LTBP1: variants seen among roughly 807,000 people sequenced by gnomAD.
LTBP1 encodes the protein latent-transforming growth factor beta-binding protein 1.
A neutral mutation model predicts 207.6 loss-of-function variants in LTBP1; 129 were observed. The ratio of observed to expected loss-of-function variants is 0.62; its 90% CI spans 0.54 to 0.72. LTBP1 has a LOEUF of 0.72. Among genes scored for constraint, LTBP1 ranks in the 30% least tolerant of loss-of-function variants. LTBP1 has a pLI of 0.00. For synonymous variants in LTBP1, 963 were observed against 833.7 expected (o/e 1.16, Z -2.67); for missense variants, 2,281 against 2,217.2 (o/e 1.03, Z -0.58).
intron 19 of LTBP1, among the ~76,000 whole-genome samples, chr2:33,291,001 TA>T: frequency 6.6e-6 from 1 of 152,348 alleles, no homozygotes; most frequent in East Asian, 1.9e-4. Context: ...AGAGATTCTT[TA>T]GTGATATTTT....
chr2:33,321,256 A>G lies in LTBP1; in HGVS notation c.3730+5987A>G, dbSNP rs192711778. ...TATTCAGGAATCAAGTCCTATTGCT[A>G]AACATCTATAGAGACTCTAACCCCA... On this transcript the variant is annotated intron_variant, in intron 24 of 33. Transcript: ENST00000404816. 1.6e-3 allele frequency among the ~76,000 whole-genome samples: 241 copies of G among 152,234 alleles called. 1 individual carries two copies. Among genetic ancestry groups the G allele is most frequent in the African/African-American group, 5.5e-3 (228 of 41,564 alleles).
intron 20 of LTBP1, among the ~76,000 whole-genome samples, chr2:33,294,219 T>A (rs2093829330): frequency 6.6e-6 from 1 of 151,714 alleles, no homozygotes; most frequent in South Asian, 2.1e-4. Context: ...TTTTTTGAGG[T>A]GGAGTCTTGC....
rs79723821 is a variant in LTBP1, at chr2:33,182,351, C to T, written c.1202-4505C>T. ...ATACCTTGTAAAAGTCAATTGGTTA[C>T]TGTTTCTTTGTTTAAAAAAAGGTGG... is the stretch of plus-strand genomic sequence containing the variant. On this transcript the variant is annotated intron_variant, in intron 5 of 33. Transcript: ENST00000404816. Among the ~76,000 whole-genome samples the T allele has an allele frequency of 6.9e-3, 1,045 of 151,978 alleles. 3 individuals are homozygous for T. The highest frequency in any genetic ancestry group is 0.01 in the Middle Eastern group (3 of 294).
At chr2:32,949,275 A>C (rs182017999) in intron 2 of LTBP1, among the ~76,000 whole-genome samples, 45 of 152,370 alleles carry the variant, frequency 3.0e-4, no homozygotes, top group Non-Finnish European at 5.1e-4. Flanking sequence ...GAACCAATGT[A>C]ATTAATTTGA....
chr2:33,398,296 C>T, intron 33 of LTBP1, 68 bp from the exon 34 acceptor site: 6 of 1,465,598 alleles, frequency 4.1e-6, no homozygotes, highest in Middle Eastern at 1.8e-4. Context: ...CTCAGGTAAG[C>T]CTCAGGTTAT....
At chr2:33,001,345 G>A (rs1319633206) in intron 2 of LTBP1, among the ~76,000 whole-genome samples, 8 of 135,344 alleles carry the variant, frequency 5.9e-5, no homozygotes, top group African/African-American at 2.1e-4. Flanking sequence ...AGATTGCTCA[G>A]CCCCAAACCC....
chr2:33,101,848 G>A (rs1489492522), intron 3 of LTBP1, among the ~76,000 whole-genome samples: 2 of 152,114 alleles, frequency 1.3e-5, no homozygotes, highest in South Asian at 2.1e-4. Flanking sequence ...TCTTTCAATG[G>A]TTGCTTGTTA....
chr2:33,128,478 G>A (rs143330505), intron 4 of LTBP1, among the ~76,000 whole-genome samples: 1 of 152,232 alleles, frequency 6.6e-6, no homozygotes, highest in Non-Finnish European at 1.5e-5. Context: ...CTGCACATCC[G>A]GGTCCTCCAG....
chr2:33,221,735 A>G (rs1356394182), intron 8 of LTBP1, among the ~76,000 whole-genome samples: 2 of 152,188 alleles, frequency 1.3e-5, no homozygotes, highest in Non-Finnish European at 2.9e-5. Flanking sequence ...CCTACAATGG[A>G]TAAGAAAATC....
chr2:33,254,867 T>TTTTTTTG (rs2092800666), intron 11 of LTBP1, among the ~76,000 whole-genome samples: 2 of 122,040 alleles, frequency 1.6e-5, no homozygotes, highest in African/African-American at 6.4e-5. Context: ...TTTTTTTTTT[T>TTTTTTTG]TTTTTTTTTT....
intron 4 of LTBP1, among the ~76,000 whole-genome samples, chr2:33,132,200 T>G (rs2081853040): frequency 6.6e-6 from 1 of 152,224 alleles, no homozygotes; most frequent in South Asian, 2.1e-4. Flanking sequence ...ACACAAAGTA[T>G]CCTCAAGATA....
intron 2 of LTBP1, among the ~76,000 whole-genome samples, chr2:33,010,529 T>G (rs1687529206): frequency 6.6e-6 from 1 of 152,148 alleles, no homozygotes; most frequent in African/African-American, 2.4e-5. Context: ...CTTGAAATGT[T>G]CCCAACACAT....
At chr2:33,104,438 G>A (rs916322666) in intron 3 of LTBP1, among the ~76,000 whole-genome samples, 3 of 152,056 alleles carry the variant, frequency 2.0e-5, no homozygotes, top group African/African-American at 7.2e-5. Context: ...TGATTTCTCT[G>A]GCCCTTGTTG....
In LTBP1 at chr2:33,342,939, C is replaced by G. The variant is rs1226490955; in HGVS notation, c.3832C>G (p.Pro1278Ala). Residue 1278 changes from proline (P) to alanine (A), a missense_variant, in exon 25 of 34, where the codon CCA becomes GCA. By Grantham distance (27) the Pro-to-Ala change is conservative (BLOSUM62 -1). Coordinates refer to ENST00000404816, the MANE Select transcript of LTBP1 (RefSeq NM_206943.4). ...RCLCYQGFQA[P>A]QDGQGCVDVN... is the part of the protein sequence containing the mutation. Reference sequence around the variant, plus strand: ...CCTCTGTTATCAGGGCTTTCAAGCCCCACAGGATGGGCAAGGGTGTGTGGG... The same window carrying G: ...CCTCTGTTATCAGGGCTTTCAAGCCGCACAGGATGGGCAAGGGTGTGTGGG... 5 of 1,613,740 alleles carry G rather than the reference C, an allele frequency of 3.1e-6. No individual in the cohort carries two copies. Among genetic ancestry groups the G allele is most frequent in the Non-Finnish European group, 4.2e-6 (5 of 1,179,818 alleles).
intron 3 of LTBP1, among the ~76,000 whole-genome samples, chr2:33,077,024 T>C (rs1396085919): frequency 1.3e-5 from 2 of 152,342 alleles, no homozygotes; most frequent in East Asian, 1.9e-4. Flanking sequence ...AGTTGAGATA[T>C]ACTTCTAGGG....
intron 19 of LTBP1, among the ~76,000 whole-genome samples, chr2:33,283,672 G>A (rs4233909): frequency 0.36 from 54,145 of 151,790 alleles, 10,490 homozygotes; most frequent in Admixed American, 0.42. Flanking sequence ...TCCTGACCTC[G>A]TGATCCACCC....
intron 2 of LTBP1, among the ~76,000 whole-genome samples, chr2:32,994,470 T>C (rs1435924512): frequency 8.9e-5 from 12 of 134,630 alleles, no homozygotes; most frequent in Non-Finnish European, 1.9e-4. Context: ...TTAGTGAGTC[T>C]TTTTTTTTTT....
chr2:33,172,519 C>T (rs2085558508), intron 5 of LTBP1, among the ~76,000 whole-genome samples: 1 of 152,122 alleles, frequency 6.6e-6, no homozygotes, highest in South Asian at 2.1e-4. Flanking sequence ...CCTCAGTGAC[C>T]TACAAAGAGA....
In LTBP1 at chr2:32,952,764, T is replaced by A. The variant is rs178143; in HGVS notation, c.565+3819T>A. On this transcript the variant is annotated intron_variant, in intron 2 of 33. Coordinates refer to ENST00000404816, the MANE Select transcript of LTBP1 (RefSeq NM_206943.4). ...CAGAGACATTGCCGGTAGGCTCAGCTTTAATGAGAAGACTGGACACGGGAA... is the reference window on the plus strand; with the variant it reads ...CAGAGACATTGCCGGTAGGCTCAGCATTAATGAGAAGACTGGACACGGGAA... 6.4e-3 allele frequency among the ~76,000 whole-genome samples: 980 copies of A among 152,262 alleles called. 8 individuals are homozygous for A. The highest frequency in any genetic ancestry group is 0.044 in the Middle Eastern group (13 of 294).
Sources: allele counts gnomAD v4.1 joint callset (sites outside exome capture counted in the v4.1 genomes callset), GRCh38; gene constraint gnomAD v4.1.1; transcripts MANE v1.5; gene names NCBI Gene and HGNC (gene_info 2026-07-23, HGNC 2026-07-21).